MRTFB: variants seen among roughly 807,000 people sequenced by gnomAD.
MRTFB encodes the protein myocardin-related transcription factor B.
In MRTFB, 29 loss-of-function variants were observed where a neutral mutation model predicts 104.2. The ratio of observed to expected loss-of-function variants is 0.28; its 90% CI spans 0.21 to 0.38. The LOEUF (loss-of-function observed/expected upper bound fraction) is 0.38. MRTFB is among the 10% of genes least tolerant of loss of function. The pLI is 1.00. For missense variants in MRTFB, 1,270 were observed against 1,341.6 expected (o/e 0.95, Z 0.83); for synonymous variants, 535 against 519.5 (o/e 1.03, Z -0.41).
the MRTFB span, among the ~76,000 whole-genome samples, chr16:14,016,498 C>T: frequency 1.3e-5 from 2 of 152,018 alleles, no homozygotes; most frequent in Non-Finnish European, 2.9e-5. Context: ...CTAGGCTGGG[C>T]GCGGTGGCTC....
At chr16:14,028,206 C>CAACAAAACAAAACAAAACAAAACAA in the MRTFB span, among the ~76,000 whole-genome samples, 1,067 of 151,304 alleles carry the variant, frequency 7.1e-3, 10 homozygotes, top group South Asian at 0.022. Flanking sequence ...AAACACAACA[C>CAACAAAACAAAACAAAACAAAACAA]AACAAAACAA....
chr16:14,047,557 A>G, the MRTFB span, among the ~76,000 whole-genome samples: 11 of 152,336 alleles, frequency 7.2e-5, no homozygotes, highest in African/African-American at 2.2e-4. Flanking sequence ...TAGAGGTTTA[A>G]TGGACTCACA....
intron 2 of MRTFB, among the ~76,000 whole-genome samples, chr16:14,098,485 G>A (rs1457756399): frequency 6.6e-6 from 1 of 152,064 alleles, no homozygotes; most frequent in Non-Finnish European, 1.5e-5. Flanking sequence ...TTTATGATTT[G>A]CAATATTTTA....
At chr16:13,999,106 C>G in the MRTFB span, among the ~76,000 whole-genome samples, 3 of 150,616 alleles carry the variant, frequency 2.0e-5, no homozygotes, top group African/African-American at 7.3e-5. Flanking sequence ...ACGAGAATCA[C>G]TTGAACACAG....
At chr16:14,220,335 T>C (rs2151221813) in intron 8 of MRTFB, among the ~76,000 whole-genome samples, 1 of 152,350 alleles carries the variant, frequency 6.6e-6, no homozygotes, top group Non-Finnish European at 1.5e-5. Flanking sequence ...TCTCTGCTAC[T>C]GTTTTGAGTA....
At chr16:14,056,813 C>CATATCTCTACATATCTCTACAT in the MRTFB span, among the ~76,000 whole-genome samples, 1 of 152,150 alleles carries the variant, frequency 6.6e-6, no homozygotes, top group East Asian at 1.9e-4. Context: ...TCCACCTATA[C>CATATCTCTACATATCTCTACAT]CTATCTCTAC....
the MRTFB span, among the ~76,000 whole-genome samples, chr16:14,044,133 GTCAT>G: frequency 2.6e-5 from 4 of 152,168 alleles, no homozygotes; most frequent in African/African-American, 4.8e-5. Flanking sequence ...TAAAGGCCTT[GTCAT>G]TCATTCATTC....
the MRTFB span, among the ~76,000 whole-genome samples, chr16:14,033,382 CA>C: frequency 0.88 from 133,320 of 151,960 alleles, 58,615 homozygotes; most frequent in Non-Finnish European, 0.9. Context: ...CTCATCTCTA[CA>C]AAAAAATGTA....
the MRTFB span, among the ~76,000 whole-genome samples, chr16:14,046,102 C>CCATTT: frequency 6.6e-6 from 1 of 152,138 alleles, no homozygotes; most frequent in African/African-American, 2.4e-5. Flanking sequence ...CCCAGTGTGA[C>CCATTT]CATTTCAGTT....
chr16:14,134,556 G>T (rs2037607398), intron 2 of MRTFB, among the ~76,000 whole-genome samples: 1 of 152,156 alleles, frequency 6.6e-6, no homozygotes, highest in Non-Finnish European at 1.5e-5. Context: ...GTTTGACTAG[G>T]TCTTGCCTCC....
intron 3 of MRTFB, among the ~76,000 whole-genome samples, chr16:14,191,127 C>T (rs752119346): frequency 6.6e-6 from 1 of 152,196 alleles, no homozygotes; most frequent in Non-Finnish European, 1.5e-5. Flanking sequence ...GCATACTCTA[C>T]CTGTACTGTC....
chr16:14,239,551 C>T lies in MRTFB; in HGVS notation c.832-686C>T, dbSNP rs183148908. 2.6e-4 allele frequency among the ~76,000 whole-genome samples: 40 copies of T among 152,056 alleles called. No individual in the cohort carries two copies. The East Asian group carries it at 7.0e-3, about 26-fold the overall frequency. ...GTTTGGATGGGTTTTTTTCAGATGA[C>T]GCTATCTTAGAATCTGAATACTGAA... On this transcript the variant is annotated intron_variant, in intron 9 of 16. Coordinates refer to ENST00000571589, the MANE Select transcript of MRTFB (RefSeq NM_001308142.2).
At position 14,126,803 on chromosome 16, in the gene MRTFB, A is replaced by C. The variant is rs371767488; in HGVS notation, c.-63-13741A>C. Among the ~76,000 whole-genome samples the C allele has an allele frequency of 2.6e-4, 39 of 152,320 alleles. No homozygotes were observed. In the East Asian group the frequency reaches 3.1e-3, roughly 12 times the overall value. ...TCACAGCTGGAATTTGAACCCAAGC[A>C]GTCTGACAACAGAGGAGGAAACTTT... On this transcript the variant is annotated intron_variant, in intron 2 of 16. Transcript: ENST00000571589.
At chr16:14,125,310 G>T (rs947760808) in intron 2 of MRTFB, among the ~76,000 whole-genome samples, 3 of 152,240 alleles carry the variant, frequency 2.0e-5, no homozygotes, top group African/African-American at 7.2e-5. Context: ...CACACCTGCT[G>T]CCAGCCCCTC....
intron 8 of MRTFB, among the ~76,000 whole-genome samples, chr16:14,227,507 AT>A (rs968754873): frequency 2.0e-5 from 3 of 150,910 alleles, no homozygotes; most frequent in Non-Finnish European, 4.4e-5. Flanking sequence ...TCCAGCCTCA[AT>A]TTTTTTTTGT....
At chr16:14,127,930 T>TATA (rs1491428460) in intron 2 of MRTFB, among the ~76,000 whole-genome samples, 720 of 31,154 alleles carry the variant, frequency 0.023, 1 homozygote, top group Non-Finnish European at 0.026. Flanking sequence ...TATATATATA[T>TATA]TTTTTTTTTT....
chr16:14,206,633 C>G (rs549357338), intron 3 of MRTFB, among the ~76,000 whole-genome samples: 1 of 152,182 alleles, frequency 6.6e-6, no homozygotes, highest in Admixed American at 6.5e-5. Flanking sequence ...TCTCGGCTCA[C>G]TGGGTTCAAA....
the MRTFB span, among the ~76,000 whole-genome samples, chr16:14,051,881 C>A: frequency 6.6e-6 from 1 of 152,168 alleles, no homozygotes; most frequent in East Asian, 1.9e-4. Context: ...CTGATCAGAA[C>A]AATTCATTTC....
At chr16:14,113,277 C>T (rs1194171219) in intron 2 of MRTFB, among the ~76,000 whole-genome samples, 1 of 152,262 alleles carries the variant, frequency 6.6e-6, no homozygotes, top group Non-Finnish European at 1.5e-5. Flanking sequence ...CTCCTGACCT[C>T]AGGTGATCCA....
Sources: gnomAD v4.1 joint callset for allele counts (sites outside exome capture counted in the v4.1 genomes callset) on GRCh38, gnomAD v4.1.1 for gene constraint, MANE v1.5 for transcripts, NCBI Gene and HGNC (gene_info 2026-07-23, HGNC 2026-07-21) for gene names.